The following MAN1C1 variants were observed in gnomAD, a reference collection of about 807,000 sequenced individuals.
The protein encoded by MAN1C1 is mannosyl-oligosaccharide 1,2-alpha-mannosidase IC.
A neutral mutation model predicts 71.5 loss-of-function variants in MAN1C1; 49 were observed. The ratio of observed to expected loss-of-function variants is 0.69; its 90% CI spans 0.54 to 0.87. The LOEUF (loss-of-function observed/expected upper bound fraction) is 0.87. Among genes scored for constraint, MAN1C1 ranks in the 40% least tolerant of loss-of-function variants. The probability of loss-of-function intolerance (pLI) is 0.00; values close to 1 mark genes in which losing one functional copy is unlikely to be tolerated. For synonymous variants in MAN1C1, 352 were observed against 343.7 expected (o/e 1.02, Z -0.27); for missense variants, 743 against 835.0 (o/e 0.89, Z 1.36).
intron 1 of MAN1C1, among the ~76,000 whole-genome samples, chr1:25,662,525 A>G (rs547882001): frequency 6.6e-5 from 10 of 152,118 alleles, no homozygotes; most frequent in African/African-American, 2.2e-4. Context: ...GATAAAAACT[A>G]TAAACGTTCC....
chr1:25,781,536 C>G lies in MAN1C1; in HGVS notation c.1650+424C>G, dbSNP rs573736964. 4.5e-4 allele frequency among the ~76,000 whole-genome samples: 69 copies of G among 152,306 alleles called. 1 individual carries two copies. Among genetic ancestry groups the G allele is most frequent in the African/African-American group, 7.2e-4 (30 of 41,576 alleles). ...GGCAGCCCAGCCTGAGGGACCCCCC[C>G]ACCCTAGTCTCTACTGGCCCTTGAG... On this transcript the variant is annotated intron_variant, in intron 10 of 11. Transcript: ENST00000374332.
Position 25,782,732 on chromosome 1 carries a change from C to A in MAN1C1, c.1766+32C>A. 6.5e-7 allele frequency: 1 copy of A among 1,546,330 alleles called. No homozygotes were observed. The highest frequency in any genetic ancestry group is 8.9e-7 in the Non-Finnish European group (1 of 1,118,776). On this transcript the variant is annotated intron_variant, in intron 11 of 11. Coordinates refer to ENST00000374332, the MANE Select transcript of MAN1C1 (RefSeq NM_020379.4). The surrounding 1 kb of genome is among the most constrained non-coding windows in gnomAD (Gnocchi z 4.4). The stretch of plus-strand genomic sequence containing the variant: ...AGTGTGGGCTCTTCCTAGGGATGGA[C>A]AGGTGGGAGGTTGAGGGTAGGGGTC...
intron 1 of MAN1C1, among the ~76,000 whole-genome samples, chr1:25,671,809 C>T (rs1246948595): frequency 2.6e-5 from 4 of 152,226 alleles, no homozygotes; most frequent in African/African-American, 9.6e-5. Flanking sequence ...AAACAGGTCT[C>T]ACTGGGCTAA....
At chr1:25,761,838 G>A (rs2047363818) in intron 6 of MAN1C1, among the ~76,000 whole-genome samples, 1 of 151,842 alleles carries the variant, frequency 6.6e-6, no homozygotes, top group Non-Finnish European at 1.5e-5. Context: ...GGCCAGGCTG[G>A]TCTCGAACTC....
At chr1:25,720,281 G>A (rs563219556) in intron 2 of MAN1C1, among the ~76,000 whole-genome samples, 9 of 150,112 alleles carry the variant, frequency 6.0e-5, no homozygotes, top group Non-Finnish European at 1.2e-4. Context: ...GTGCAATCTC[G>A]GCTCACTGCA....
At chr1:25,679,296 AT>A (rs368586367) in intron 1 of MAN1C1, among the ~76,000 whole-genome samples, 3 of 152,318 alleles carry the variant, frequency 2.0e-5, no homozygotes, top group African/African-American at 7.2e-5. Context: ...TAATATAATT[AT>A]AAAAGGAGAA....
intron 1 of MAN1C1, among the ~76,000 whole-genome samples, chr1:25,640,549 G>A (rs1016015331): frequency 2.6e-5 from 4 of 152,142 alleles, no homozygotes; most frequent in Admixed American, 1.3e-4. Context: ...AGAAAAAGAA[G>A]ACTTTAGTTT....
intron 1 of MAN1C1, among the ~76,000 whole-genome samples, chr1:25,647,922 G>A (rs529329892): frequency 1.3e-5 from 2 of 152,270 alleles, no homozygotes; most frequent in African/African-American, 4.8e-5. Flanking sequence ...TGACGTTAAA[G>A]CCTCTGGGGT....
intron 1 of MAN1C1, among the ~76,000 whole-genome samples, chr1:25,677,421 C>CAA (rs1557760923): frequency 3.3e-5 from 5 of 151,960 alleles, no homozygotes. Flanking sequence ...GACACACACA[C>CAA]ACACACACAC....
At chr1:25,780,374 G>A (rs913730423) in intron 9 of MAN1C1, among the ~76,000 whole-genome samples, 38 of 152,226 alleles carry the variant, frequency 2.5e-4, no homozygotes, top group African/African-American at 9.1e-4. Flanking sequence ...TGCATTCCTG[G>A]GCAATCTTCC....
At chr1:25,754,363 G>C (rs2047256717) in intron 5 of MAN1C1, among the ~76,000 whole-genome samples, 5 of 152,186 alleles carry the variant, frequency 3.3e-5, no homozygotes, top group Admixed American at 3.3e-4. Flanking sequence ...CCATGGCTCC[G>C]ATCACTGTCC....
At chr1:25,706,719 G>A (rs1006769109) in intron 2 of MAN1C1, among the ~76,000 whole-genome samples, 32 of 152,192 alleles carry the variant, frequency 2.1e-4, no homozygotes, top group African/African-American at 7.2e-4. Flanking sequence ...GCCCTGAAGC[G>A]GGCCACCTGT....
intron 5 of MAN1C1, among the ~76,000 whole-genome samples, chr1:25,754,681 GACAC>G (rs1265226096): frequency 1.6e-5 from 2 of 128,788 alleles, no homozygotes; most frequent in Admixed American, 2.0e-4. Flanking sequence ...ATGAAGCCCA[GACAC>G]ACACACACTG....
intron 2 of MAN1C1, among the ~76,000 whole-genome samples, chr1:25,726,265 G>A (rs938028235): frequency 2.0e-5 from 3 of 152,146 alleles, no homozygotes; most frequent in Admixed American, 6.5e-5. Flanking sequence ...GGACCACCAC[G>A]ACCACGGTCT....
At chr1:25,619,148 T>G (rs1413294370) in intron 1 of MAN1C1, among the ~76,000 whole-genome samples, 1 of 152,198 alleles carries the variant, frequency 6.6e-6, no homozygotes, top group Non-Finnish European at 1.5e-5. Flanking sequence ...AGTTGCCAGC[T>G]TGCCACTGCC....
In MAN1C1 at chr1:25,753,899, G is replaced by A. The variant is rs1033926740; in HGVS notation, c.929+321G>A. On this transcript the variant is annotated intron_variant, in intron 5 of 11. Coordinates refer to ENST00000374332, the MANE Select transcript of MAN1C1 (RefSeq NM_020379.4). The surrounding 1 kb of genome is among the most constrained non-coding windows in gnomAD (Gnocchi z 4.9). ...TAAGCCTGAGCCTCCTGGGGTGGGC[G>A]GGGGCAGTTCCTCTGGACATCCCAC... 6.6e-6 allele frequency among the ~76,000 whole-genome samples: 1 copy of A among 152,132 alleles called. No individual in the cohort carries two copies. Among genetic ancestry groups the A allele is most frequent in the Non-Finnish European group, 1.5e-5 (1 of 68,006 alleles).
At chr1:25,771,864 G>A (rs778743509) in intron 8 of MAN1C1, 92 bp downstream of exon 8, 90 of 921,254 alleles carry the variant, frequency 9.8e-5, no homozygotes, top group Non-Finnish European at 1.4e-4. Flanking sequence ...AGCGGGGCCA[G>A]ATGGGCCGAG....
Position 25,735,380 on chromosome 1 carries a change from C to T in MAN1C1, c.638-11288C>T, listed in dbSNP as rs1375384324. 1.3e-5 allele frequency among the ~76,000 whole-genome samples: 2 copies of T among 152,222 alleles called. No homozygotes were observed. The highest frequency in any genetic ancestry group is 4.8e-5 in the African/African-American group (2 of 41,468). On this transcript the variant is annotated intron_variant, in intron 2 of 11. Transcript: ENST00000374332. The surrounding 1 kb of genome is among the most constrained non-coding windows in gnomAD (Gnocchi z 4.6). ...ATTGCAGTGAGCAGAGATCACACCA[C>T]TGCACTCCATCCTGTGTGACAGAGC...
intron 1 of MAN1C1, among the ~76,000 whole-genome samples, chr1:25,647,309 A>G (rs2045628842): frequency 1.3e-5 from 2 of 152,098 alleles, no homozygotes; most frequent in African/African-American, 4.8e-5. Flanking sequence ...GAAAGGCTGC[A>G]TGGGAGCTTG....
Sources: allele counts gnomAD v4.1 joint callset (sites outside exome capture counted in the v4.1 genomes callset), GRCh38; gene constraint gnomAD v4.1.1; non-coding constraint Gnocchi (gnomAD v3.1); transcripts MANE v1.5; gene names NCBI Gene and HGNC (gene_info 2026-07-23, HGNC 2026-07-21).